Variants in GABRG1 observed in about 807,000 individuals in gnomAD.
GABRG1 encodes gamma-aminobutyric acid type A receptor subunit gamma1.
In GABRG1, 49 loss-of-function variants were observed where a neutral mutation model predicts 49.8. The ratio of observed to expected loss-of-function variants is 0.98; its 90% CI spans 0.78 to 1.25. The LOEUF is 1.25. GABRG1 is among the 50% of genes most tolerant of loss of function. The pLI, the probability that GABRG1 is intolerant of heterozygous loss-of-function variation, is 0.00. For missense variants in GABRG1, 552 were observed against 552.3 expected (o/e 1.00, Z 0.01); for synonymous variants, 232 against 185.1 (o/e 1.25, Z -2.06).
chr4:46,064,456 G>T lies in GABRG1; in HGVS notation c.610C>A (p.Leu204Met). The T allele has an allele frequency of 6.6e-7, 1 of 1,526,546 alleles. No homozygotes were observed. The highest frequency in any genetic ancestry group is 8.8e-7 in the Non-Finnish European group (1 of 1,137,574). The allele number at this position is 1,526,546 out of a possible 1,614,324, so 94.6% of individuals were successfully genotyped here. A position where few individuals can be genotyped will look rare whatever the true frequency, so the allele number is the denominator to read the frequency against. The change falls in exon 5 of 9, where the codon CTG becomes ATG. Residue 204 changes from leucine (L) to methionine (M), a missense_variant. Leu to Met is a conservative substitution (Grantham distance 15). Transcript: ENST00000295452. ...TGTTACTTACAGCTTGAAAATTCCA[G>T]TGGACAGGAATGTTCATCCATGGGA... ...NFPMDEHSCP[L>M]EFSSYGYPKN...
intron 1 of GABRG1, among the ~76,000 whole-genome samples, chr4:46,116,814 A>G (rs1720908381): frequency 6.6e-6 from 1 of 150,866 alleles, no homozygotes; most frequent in African/African-American, 2.4e-5. Context: ...GCAGAGGGTA[A>G]CAAATTAGTT....
At chr4:46,106,082 G>A (rs1362481635) in intron 1 of GABRG1, among the ~76,000 whole-genome samples, 5 of 151,402 alleles carry the variant, frequency 3.3e-5, no homozygotes, top group African/African-American at 9.7e-5. Context: ...CAACAGGCAG[G>A]CTGCTTAAGC....
intron 1 of GABRG1, among the ~76,000 whole-genome samples, chr4:46,108,010 G>C (rs183987527): frequency 2.1e-3 from 317 of 151,138 alleles, no homozygotes; most frequent in African/African-American, 7.3e-3. Context: ...TAAATCAATA[G>C]GTTTCCTAGC....
At chr4:46,077,429 A>C (rs1264486797) in intron 3 of GABRG1, among the ~76,000 whole-genome samples, 1 of 152,188 alleles carries the variant, frequency 6.6e-6, no homozygotes, top group East Asian at 1.9e-4. Context: ...GATCATAACA[A>C]TGGTGACCAC....
chr4:46,065,104 T>C (rs1248841456), intron 4 of GABRG1, among the ~76,000 whole-genome samples: 1 of 152,164 alleles, frequency 6.6e-6, no homozygotes, highest in African/African-American at 2.4e-5. Context: ...AAGAAAACCA[T>C]AATCTTTATG....
intron 2 of GABRG1, among the ~76,000 whole-genome samples, chr4:46,091,282 T>G (rs1719980527): frequency 6.6e-6 from 1 of 152,048 alleles, no homozygotes; most frequent in Non-Finnish European, 1.5e-5. Context: ...TGATTTTCTT[T>G]ACTCAACCTG....
chr4:46,044,133 G>C (rs1717895617), intron 8 of GABRG1, among the ~76,000 whole-genome samples: 1 of 151,936 alleles, frequency 6.6e-6, no homozygotes, highest in Non-Finnish European at 1.5e-5. Flanking sequence ...TCCTGTTTAA[G>C]TTGGGATGTT....
chr4:46,069,286 G>C (rs1342349870), intron 3 of GABRG1, among the ~76,000 whole-genome samples: 2 of 151,996 alleles, frequency 1.3e-5, no homozygotes, highest in Non-Finnish European at 2.9e-5. Flanking sequence ...AAACTGTCTA[G>C]TCACATGGCC....
At chr4:46,063,825 A>C (rs1297186853) in intron 5 of GABRG1, among the ~76,000 whole-genome samples, 20 of 152,142 alleles carry the variant, frequency 1.3e-4, no homozygotes. Flanking sequence ...AACTCAAACA[A>C]ATTTACAAGA....
chr4:46,082,918 C>T (rs1044533123), intron 3 of GABRG1, among the ~76,000 whole-genome samples: 2 of 151,728 alleles, frequency 1.3e-5, no homozygotes, highest in Non-Finnish European at 2.9e-5. Flanking sequence ...GATCATCTCA[C>T]ACATTCTTAA....
chr4:46,083,478 T>G (rs1322548408), intron 3 of GABRG1, among the ~76,000 whole-genome samples: 1 of 151,786 alleles, frequency 6.6e-6, no homozygotes, highest in Non-Finnish European at 1.5e-5. Context: ...CTTCCTATTA[T>G]GATGGCTTAC....
chr4:46,074,614 C>T (rs1350715759), intron 3 of GABRG1, among the ~76,000 whole-genome samples: 2 of 152,052 alleles, frequency 1.3e-5, no homozygotes, highest in Non-Finnish European at 2.9e-5. Context: ...TGTCCGAAGT[C>T]AAGATATTTA....
chr4:46,109,672 C>A (rs1720660059), intron 1 of GABRG1, among the ~76,000 whole-genome samples: 1 of 151,142 alleles, frequency 6.6e-6, no homozygotes, highest in Admixed American at 6.6e-5. Context: ...TTCTTCTTAA[C>A]ACTGCTTTTG....
chr4:46,078,716 TAA>T (rs1474194857), intron 3 of GABRG1, among the ~76,000 whole-genome samples: 1 of 152,016 alleles, frequency 6.6e-6, no homozygotes, highest in Non-Finnish European at 1.5e-5. Flanking sequence ...GAGGCTTACT[TAA>T]AAGTCAGTTC....
In GABRG1 at chr4:46,105,398, C is replaced by G. The variant is rs73813194; in HGVS notation, c.105-8049G>C. On this transcript the variant is annotated intron_variant, in intron 1 of 8. Coordinates refer to ENST00000295452, the MANE Select transcript of GABRG1 (RefSeq NM_173536.4). ...ATGATACAGACAAATATAAACACTA[C>G]TGTTTTTTTGTAATGTGGTAGAAGA... is the stretch of plus-strand genomic sequence containing the variant. Among the ~76,000 whole-genome samples, 31 of 151,626 alleles carry G rather than the reference C, an allele frequency of 2.0e-4. 1 individual carries two copies. The highest frequency in any genetic ancestry group is 6.8e-4 in the African/African-American group (28 of 41,452).
intron 7 of GABRG1, among the ~76,000 whole-genome samples, chr4:46,053,427 A>G (rs895844006): frequency 7.5e-6 from 1 of 133,498 alleles, no homozygotes; most frequent in Non-Finnish European, 1.6e-5. Flanking sequence ...TGAATGAGAA[A>G]ACAGTATGGT....
chr4:46,064,722 T>C lies in GABRG1; in HGVS notation c.543-199A>G, dbSNP rs187527995. ...TATATATGACAGAATTCTAACAATTTCCTCTTCAGTCAACTAGGTTACCTC... is the reference window on the plus strand; with the variant it reads ...TATATATGACAGAATTCTAACAATTCCCTCTTCAGTCAACTAGGTTACCTC... On this transcript the variant is annotated intron_variant, in intron 4 of 8. Transcript: ENST00000295452. 3.3e-5 allele frequency among the ~76,000 whole-genome samples: 5 copies of C among 152,184 alleles called. No individual in the cohort carries two copies. The East Asian group carries it at 7.7e-4, about 24-fold the overall frequency.
At chr4:46,081,369 T>C (rs1719560860) in intron 3 of GABRG1, among the ~76,000 whole-genome samples, 1 of 151,864 alleles carries the variant, frequency 6.6e-6, no homozygotes, top group South Asian at 2.1e-4. Flanking sequence ...AGCCAGTTCA[T>C]ATTTTCTTGC....
intron 2 of GABRG1, among the ~76,000 whole-genome samples, chr4:46,085,971 CT>C (rs1158852986): frequency 1.3e-5 from 2 of 151,556 alleles, no homozygotes; most frequent in African/African-American, 4.8e-5. Flanking sequence ...TAAGCACAGA[CT>C]ATGTTTAATT....
Sources: allele counts gnomAD v4.1 joint callset (sites outside exome capture counted in the v4.1 genomes callset), GRCh38; gene constraint gnomAD v4.1.1; transcripts MANE v1.5; gene names NCBI Gene and HGNC (gene_info 2026-07-23, HGNC 2026-07-21).